The following DST variants were observed in gnomAD, a reference collection of about 807,000 sequenced individuals.
DST encodes the protein bullous pemphigoid antigen.
A neutral mutation model predicts 875.2 loss-of-function variants in DST; 253 were observed. The ratio of observed to expected loss-of-function variants is 0.29; its 90% confidence interval spans 0.26 to 0.32. DST has a LOEUF of 0.32. DST is among the 10% of genes least tolerant of loss of function. The pLI is 1.00. For synonymous variants in DST, 3,124 were observed against 3,197.1 expected (o/e 0.98, Z 0.77); for missense variants, 8,287 against 9,111.6 (o/e 0.91, Z 3.68).
At chr6:56,903,797 C>G (rs1299500505) in intron 2 of DST, among the ~76,000 whole-genome samples, 1 of 152,194 alleles carries the variant, frequency 6.6e-6, no homozygotes, top group Non-Finnish European at 1.5e-5. Flanking sequence ...TCCTAAACTT[C>G]AGGCATCTTC....
intron 2 of DST, among the ~76,000 whole-genome samples, chr6:56,943,928 C>T (rs1388695638): frequency 6.6e-6 from 1 of 151,848 alleles, no homozygotes; most frequent in African/African-American, 2.4e-5. Flanking sequence ...ACCAACCTGG[C>T]CAACATGGTG....
intron 3 of DST, among the ~76,000 whole-genome samples, chr6:56,897,061 T>C (rs1368186129): frequency 6.6e-6 from 1 of 152,204 alleles, no homozygotes; most frequent in Middle Eastern, 3.2e-3. Context: ...TAGAAGGGTT[T>C]TTCCAATGTT....
Position 56,483,527 on chromosome 6 carries a change from C to CTTTTTTTT in DST, c.21208-658_21208-651dup, listed in dbSNP as rs138042978. The CTTTTTTTT allele has an allele frequency of 9.0e-4, 54 of 60,038 alleles. 6 individuals carry two copies. The highest frequency in any genetic ancestry group is 2.0e-3 in the African/African-American group (26 of 13,204). The allele number at this position is 60,038 out of a possible 1,614,324, so 3.7% of individuals were successfully genotyped here. ...CTTAGAGGAAAAGCTTCTGGGTTTG[C>CTTTTTTTT]TTTTTTTTTTTTTTTTTTTTTTTTT... On this transcript the variant is annotated intron_variant, in intron 88 of 103. Transcript: ENST00000680361.
chr6:56,902,096 G>A (rs1268084153), intron 2 of DST, among the ~76,000 whole-genome samples: 1 of 152,174 alleles, frequency 6.6e-6, no homozygotes, highest in Non-Finnish European at 1.5e-5. Flanking sequence ...GAAGACAAAG[G>A]AAACAACATA....
At chr6:56,942,679 A>T (rs1047067692) in intron 2 of DST, among the ~76,000 whole-genome samples, 2 of 119,786 alleles carry the variant, frequency 1.7e-5, no homozygotes, top group Admixed American at 8.1e-5. Flanking sequence ...TTTGTGCTTT[A>T]TATTTACTCT....
At position 56,608,925 on chromosome 6, in the gene DST, C is replaced by A. The variant is rs776929403; in HGVS notation, c.5703G>T (p.Leu1901Phe). 1 of 1,613,642 alleles carries A rather than the reference C, an allele frequency of 6.2e-7. No homozygotes were observed. Among genetic ancestry groups the A allele is most frequent in the East Asian group, 2.2e-5 (1 of 44,854 alleles). ...CTTTAGAAAATAATGCTGAGGAAAC[C>A]AAGTTCTGTTGGAAAGCCTTCTGTA... is the stretch of plus-strand genomic sequence containing the variant. ...LTLQKAFQQN[L>F]VSSALFSKVL... The change falls in exon 40 of 104, where the codon TTG becomes TTT. Residue 1901 changes from leucine to phenylalanine, a missense_variant. Physicochemically the swap from Leu to Phe is conservative, Grantham distance 22 (BLOSUM62 0). Coordinates refer to ENST00000680361, the MANE Select transcript of DST (RefSeq NM_001374736.1).
At chr6:56,654,391 G>A (rs1207450687) in intron 10 of DST, among the ~76,000 whole-genome samples, 1 of 151,820 alleles carries the variant, frequency 6.6e-6, no homozygotes, top group African/African-American at 2.4e-5. Flanking sequence ...CCAAGAAAAG[G>A]CCTTAAAATG....
Position 56,605,782 on chromosome 6 carries a change from GT to G in DST, c.8845del (p.Thr2949LeufsTer4). ...ISHDNNNISSTSELGTDLANT... is the reference protein window; with the variant it reads ...ISHDNNNISSXSELGTDLANT... ...TGCTAGATCAGTACCTAATTCAGAAGTTGAACTGATATTATTATTATCATGT... is the reference window on the plus strand; with the variant it reads ...TGCTAGATCAGTACCTAATTCAGAAGTGAACTGATATTATTATTATCATGT... On this transcript the variant is annotated frameshift_variant, in exon 40 of 104. Transcript: ENST00000680361. LOFTEE classifies it high-confidence loss of function. The G allele has an allele frequency of 6.2e-7, 1 of 1,612,634 alleles. No homozygotes were observed. Among genetic ancestry groups the G allele is most frequent in the Non-Finnish European group, 8.5e-7 (1 of 1,179,250 alleles).
intron 61 of DST, among the ~76,000 whole-genome samples, chr6:56,546,115 G>A (rs1198702052): frequency 3.3e-5 from 5 of 151,426 alleles, no homozygotes; most frequent in Admixed American, 1.3e-4. Flanking sequence ...GCCCTAAACC[G>A]ATTTAGAAAC....
At chr6:56,763,167 A>G (rs999052650) in intron 4 of DST, among the ~76,000 whole-genome samples, 7 of 152,106 alleles carry the variant, frequency 4.6e-5, no homozygotes, top group Non-Finnish European at 8.8e-5. Flanking sequence ...TTACCTTTAT[A>G]GAAAGCATTT....
At chr6:56,482,203 C>G (rs200268705) in intron 89 of DST, 25 bp from the exon 90 acceptor site, 1 of 1,569,502 alleles carries the variant, frequency 6.4e-7, no homozygotes. Flanking sequence ...ACACACACAC[C>G]CCAAACAAAA....
At chr6:56,865,297 C>A (rs1003847232) in intron 3 of DST, among the ~76,000 whole-genome samples, 6 of 134,540 alleles carry the variant, frequency 4.5e-5, no homozygotes, top group Non-Finnish European at 9.5e-5. Flanking sequence ...GTGTGTGTGT[C>A]TGTATGTGTG....
At chr6:56,739,251 T>C (rs1430464786) in intron 4 of DST, among the ~76,000 whole-genome samples, 1 of 151,860 alleles carries the variant, frequency 6.6e-6, no homozygotes, top group Non-Finnish European at 1.5e-5. Context: ...TATACAGTAG[T>C]ATATACAACT....
At chr6:56,602,643 A>C (rs1272068144) in intron 43 of DST, among the ~76,000 whole-genome samples, 2 of 151,986 alleles carry the variant, frequency 1.3e-5, no homozygotes, top group Admixed American at 1.3e-4. Context: ...ATATAAATAA[A>C]AATCTCAACA....
At chr6:56,476,865 C>T (rs1295228870) in intron 91 of DST, among the ~76,000 whole-genome samples, 1 of 151,932 alleles carries the variant, frequency 6.6e-6, no homozygotes, top group African/African-American at 2.4e-5. Context: ...GGCAGAGGAA[C>T]TGCTTGAACC....
chr6:56,596,687 T>C (rs981239402), intron 47 of DST, among the ~76,000 whole-genome samples: 5 of 152,164 alleles, frequency 3.3e-5, no homozygotes, highest in Admixed American at 2.0e-4. Context: ...ATTCCAAAGA[T>C]TCCAAATATG....
Position 56,610,444 on chromosome 6 carries a change from C to T in DST, c.5266G>A (p.Val1756Ile), listed in dbSNP as rs368650148. ...QLQESQTSGD[V>I]KVEEKLDKVI... ...AATATTACCTTCTCCTCTACCTTTA[C>T]ATCTCCTGAGGTTTGTGATTCTTGT... Residue 1756 changes from valine to isoleucine, a missense_variant, in exon 39 of 104, where the codon GTA (valine) becomes ATA (isoleucine). Physicochemically the swap from Val to Ile is conservative, Grantham distance 29 (BLOSUM62 3). Coordinates refer to ENST00000680361, the MANE Select transcript of DST (RefSeq NM_001374736.1). 5.8e-6 allele frequency: 9 copies of T among 1,560,902 alleles called. No homozygotes were observed. Among genetic ancestry groups the T allele is most frequent in the African/African-American group, 4.1e-5 (3 of 73,520 alleles).
intron 10 of DST, 55 bp downstream of exon 10, chr6:56,670,586 G>A: frequency 1.8e-6 from 2 of 1,117,326 alleles, no homozygotes; most frequent in South Asian, 4.8e-5. Flanking sequence ...AAAATTCAGA[G>A]ATGAAAGAAA....
intron 8 of DST, among the ~76,000 whole-genome samples, chr6:56,700,010 T>C (rs962543126): frequency 2.0e-5 from 3 of 152,184 alleles, no homozygotes; most frequent in South Asian, 2.1e-4. Flanking sequence ...ACCTATACCA[T>C]AGGGACTGGG....
Sources: allele counts gnomAD v4.1 joint callset (sites outside exome capture counted in the v4.1 genomes callset), GRCh38; gene constraint gnomAD v4.1.1; transcripts MANE v1.5; gene names NCBI Gene and HGNC (gene_info 2026-07-23, HGNC 2026-07-21).